ZFPM2: variants seen among roughly 807,000 people sequenced by gnomAD.
ZFPM2 encodes zinc finger protein ZFPM2.
ZFPM2 carries 20 observed loss-of-function variants against 98.6 expected under a neutral mutation model. The observed-to-expected ratio is 0.20, with a 90% CI of 0.14 to 0.29. The LOEUF (loss-of-function observed/expected upper bound fraction) is 0.29. Among genes scored for constraint, ZFPM2 ranks in the 10% least tolerant of loss-of-function variants. The probability of loss-of-function intolerance (pLI) is 1.00; values close to 1 mark genes in which losing one functional copy is unlikely to be tolerated. For missense variants in ZFPM2, 1,310 were observed against 1,388.6 expected (o/e 0.94, Z 0.90); for synonymous variants, 518 against 502.7 (o/e 1.03, Z -0.41).
intron 5 of ZFPM2, among the ~76,000 whole-genome samples, chr8:105,636,295 T>C (rs1261320946): frequency 6.6e-6 from 1 of 152,170 alleles, no homozygotes; most frequent in African/African-American, 2.4e-5. Flanking sequence ...ATACCTTATA[T>C]CTTTTTGCAA....
intron 1 of ZFPM2, among the ~76,000 whole-genome samples, chr8:105,412,516 G>A (rs1227393870): frequency 1.3e-5 from 2 of 151,394 alleles, no homozygotes; most frequent in Non-Finnish European, 3.0e-5. Context: ...TGATTCTCTG[G>A]TCTGCTACCT....
At chr8:105,413,538 C>T (rs1488510951) in intron 1 of ZFPM2, among the ~76,000 whole-genome samples, 2 of 147,570 alleles carry the variant, frequency 1.4e-5, no homozygotes, top group African/African-American at 2.5e-5. Context: ...ATATATATCT[C>T]GTGTTTAAAT....
chr8:105,784,161 G>T (rs1813342830), intron 5 of ZFPM2, among the ~76,000 whole-genome samples: 2 of 152,112 alleles, frequency 1.3e-5, no homozygotes, highest in Non-Finnish European at 2.9e-5. Context: ...GCATTTTCAT[G>T]TGCTTGGATA....
At chr8:105,730,866 G>A (rs1443508469) in intron 5 of ZFPM2, among the ~76,000 whole-genome samples, 1 of 149,872 alleles carries the variant, frequency 6.7e-6, no homozygotes, top group Non-Finnish European at 1.5e-5. Flanking sequence ...TATTACCATA[G>A]GTGACAGCTC....
At chr8:105,373,701 A>G (rs1221421845) in intron 1 of ZFPM2, among the ~76,000 whole-genome samples, 1 of 152,236 alleles carries the variant, frequency 6.6e-6, no homozygotes, top group Non-Finnish European at 1.5e-5. Context: ...AACAACAACT[A>G]CAACAAAACT....
At chr8:105,718,841 A>G (rs982503884) in intron 5 of ZFPM2, among the ~76,000 whole-genome samples, 3 of 151,898 alleles carry the variant, frequency 2.0e-5, no homozygotes, top group African/African-American at 7.2e-5. Flanking sequence ...ATTATGTTTG[A>G]GTAGACCCTC....
intron 5 of ZFPM2, among the ~76,000 whole-genome samples, chr8:105,640,302 A>G (rs899998331): frequency 5.9e-5 from 9 of 151,644 alleles, no homozygotes; most frequent in Non-Finnish European, 1.0e-4. Flanking sequence ...TTTATCAGCA[A>G]TTTTTTTTCC....
chr8:105,337,332 A>G (rs1812347586), intron 1 of ZFPM2, among the ~76,000 whole-genome samples: 1 of 151,826 alleles, frequency 6.6e-6, no homozygotes, highest in African/African-American at 2.4e-5. Flanking sequence ...GTTAAAATTG[A>G]TAATAGATAT....
At chr8:105,330,553 C>CATATATATATATATATACATATACAT (rs61051244) in intron 1 of ZFPM2, among the ~76,000 whole-genome samples, 6 of 92,436 alleles carry the variant, frequency 6.5e-5, no homozygotes, top group Admixed American at 1.3e-4. Context: ...TATATATATA[C>CATATATATATATATATACATATACAT]ATATATATAT....
chr8:105,596,987 T>C (rs1159596940), intron 4 of ZFPM2, among the ~76,000 whole-genome samples: 1 of 151,972 alleles, frequency 6.6e-6, no homozygotes, highest in Non-Finnish European at 1.5e-5. Context: ...AATTCTACAT[T>C]GGAATATTTT....
In ZFPM2 at chr8:105,634,341, C is replaced by T. The variant is rs759765008; in HGVS notation, c.516C>T (p.Cys172=). 2 of 1,611,792 alleles carry T rather than the reference C, an allele frequency of 1.2e-6. No homozygotes were observed. Among genetic ancestry groups the T allele is most frequent in the Middle Eastern group, 1.7e-4 (1 of 6,054 alleles). ...WQGVEDNKNN[C]IVYSKGGQLW... ...GAGTGGAAGACAACAAAAACAACTG[C>T]ATTGTGTACAGCAAAGGTAAATGCA... is the stretch of plus-strand genomic sequence containing the variant. The change falls in exon 5 of 8, where the codon TGC becomes TGT. Residue 172 remains cysteine, a synonymous_variant. Transcript: ENST00000407775.
At chr8:105,772,896 T>C (rs1483674104) in intron 5 of ZFPM2, among the ~76,000 whole-genome samples, 3 of 152,116 alleles carry the variant, frequency 2.0e-5, no homozygotes, top group Non-Finnish European at 4.4e-5. Flanking sequence ...GAGGGGAAAG[T>C]TACATCTTTA....
intron 1 of ZFPM2, among the ~76,000 whole-genome samples, chr8:105,340,126 A>C (rs957282003): frequency 7.2e-5 from 11 of 151,910 alleles, no homozygotes; most frequent in African/African-American, 2.4e-4. Flanking sequence ...CGTTGAGAAA[A>C]ATGAAGGAGC....
chr8:105,358,273 A>ATTTT, intron 1 of ZFPM2, among the ~76,000 whole-genome samples: 1 of 145,324 alleles, frequency 6.9e-6, no homozygotes, highest in African/African-American at 2.5e-5. Context: ...TTTTTTTCTG[A>ATTTT]GGTGGAGTCT....
intron 3 of ZFPM2, among the ~76,000 whole-genome samples, chr8:105,452,641 A>G (rs1333884434): frequency 6.6e-6 from 1 of 152,032 alleles, no homozygotes; most frequent in Non-Finnish European, 1.5e-5. Flanking sequence ...GGTCCAAGCT[A>G]CTTGGGAGGC....
intron 3 of ZFPM2, among the ~76,000 whole-genome samples, chr8:105,528,351 G>A (rs922002290): frequency 1.8e-4 from 28 of 152,100 alleles, no homozygotes; most frequent in African/African-American, 6.5e-4. Flanking sequence ...TTGGGAAGTC[G>A]TGGGAGACTG....
intron 3 of ZFPM2, among the ~76,000 whole-genome samples, chr8:105,539,999 C>T (rs1814542283): frequency 6.6e-6 from 1 of 152,022 alleles, no homozygotes. Context: ...GTCAGCTTTC[C>T]TTAAGCATTT....
At chr8:105,368,863 T>C (rs1233868514) in intron 1 of ZFPM2, among the ~76,000 whole-genome samples, 1 of 152,198 alleles carries the variant, frequency 6.6e-6, no homozygotes, top group African/African-American at 2.4e-5. Context: ...TATCTAGAGC[T>C]TGTCATTTCT....
intron 3 of ZFPM2, among the ~76,000 whole-genome samples, chr8:105,527,685 C>CT (rs1450873127): frequency 1.3e-5 from 2 of 152,130 alleles, no homozygotes; most frequent in African/African-American, 2.4e-5. Flanking sequence ...ATATGCTGGA[C>CT]TTTAAGAGCT....
Sources: allele counts gnomAD v4.1 joint callset (sites outside exome capture counted in the v4.1 genomes callset), GRCh38; gene constraint gnomAD v4.1.1; transcripts MANE v1.5; gene names NCBI Gene and HGNC (gene_info 2026-07-23, HGNC 2026-07-21).